COQ7: variants seen among roughly 807,000 people sequenced by gnomAD.
COQ7 encodes the protein NADPH-dependent 3-demethoxyubiquinone 3-hydroxylase, mitochondrial.
In COQ7, 21 loss-of-function variants were observed where a neutral mutation model predicts 25.0. The observed-to-expected ratio is 0.84, with a 90% CI of 0.60 to 1.21. COQ7 has a LOEUF of 1.21. Ranked by LOEUF, COQ7 falls within the 50% of genes most tolerant of loss-of-function variation. The probability of loss-of-function intolerance (pLI) is 0.00; values close to 1 mark genes in which losing one functional copy is unlikely to be tolerated. For synonymous variants in COQ7, 125 were observed against 112.4 expected (o/e 1.11, Z -0.71); for missense variants, 311 against 296.2 (o/e 1.05, Z -0.37).
At chr16:19,070,250 C>T (rs1409113493) in intron 1 of COQ7, among the ~76,000 whole-genome samples, 1 of 152,188 alleles carries the variant, frequency 6.6e-6, no homozygotes, top group Admixed American at 6.5e-5. Flanking sequence ...AGAGCCACCC[C>T]AAATTTCACC....
Position 19,074,005 on chromosome 16 carries a change from C to G in COQ7, c.337C>G (p.Pro113Ala). The change falls in exon 3 of 6, where the codon CCC (proline) becomes GCC (alanine). Residue 113 changes from proline to alanine, a missense_variant. Coordinates refer to ENST00000321998, the MANE Select transcript of COQ7 (RefSeq NM_016138.5). Reference sequence around the variant, plus strand: ...CAGGGTCCGGCCAACAGTTCTGATGCCCTTGTGGAACGTGCTGGGGTTTGC... The same window carrying G: ...CAGGGTCCGGCCAACAGTTCTGATGGCCTTGTGGAACGTGCTGGGGTTTGC... Reference protein sequence around the residue: ...TFRVRPTVLMPLWNVLGFALG... With the variant: ...TFRVRPTVLMALWNVLGFALG... 2.5e-6 allele frequency: 4 copies of G among 1,613,284 alleles called. No homozygotes were observed. The highest frequency in any genetic ancestry group is 3.4e-6 in the Non-Finnish European group (4 of 1,179,818).
At chr16:19,077,264 GTTGGAAGGCTAACTTGC>G in intron 4 of COQ7, 25 bp from the exon 5 acceptor site, 1 of 1,564,662 alleles carries the variant, frequency 6.4e-7, no homozygotes, top group Non-Finnish European at 8.8e-7. Context: ...CAGCAGGAGA[GTTGGAAGGCTAACTTGC>G]TTTGGTGTCT....
chr16:19,075,308 T>A (rs1280519386), intron 3 of COQ7, among the ~76,000 whole-genome samples: 5 of 151,804 alleles, frequency 3.3e-5, no homozygotes. Context: ...CTTCAAGCGA[T>A]TTTCCTGCCT....
At chr16:19,072,718 G>C (rs1014616145) in intron 2 of COQ7, among the ~76,000 whole-genome samples, 1 of 152,238 alleles carries the variant, frequency 6.6e-6, no homozygotes, top group African/African-American at 2.4e-5. Context: ...CTGTGCTTCA[G>C]TTTGTTGTGT....
At chr16:19,070,485 C>A (rs1174676291) in intron 1 of COQ7, among the ~76,000 whole-genome samples, 1 of 152,168 alleles carries the variant, frequency 6.6e-6, no homozygotes, top group Admixed American at 6.5e-5. Flanking sequence ...GTAATCCCAG[C>A]ACTTTGGGAA....
intron 4 of COQ7, among the ~76,000 whole-genome samples, chr16:19,076,254 ATTTTTTT>A (rs765074767): frequency 2.5e-5 from 3 of 120,752 alleles, no homozygotes; most frequent in East Asian, 4.5e-4. Context: ...CTCACAGCTA[ATTTTTTT>A]TTTTTTTTTT....
chr16:19,079,627 C>T lies in COQ7; in HGVS notation c.*1469C>T, dbSNP rs1007463140. 2.2e-4 allele frequency: 34 copies of T among 151,900 alleles called. No homozygotes were observed. The highest frequency in any genetic ancestry group is 7.3e-4 in the African/African-American group (30 of 41,330). The allele number at this position is 151,900 out of a possible 1,614,324, so 9.4% of individuals were successfully genotyped here. A position where few individuals can be genotyped will look rare whatever the true frequency, so the allele number is the denominator to read the frequency against. ...AGGATCAGAATGGTTTCAGAAGCTCCCAGGTGATTCCGGAGTGAGTTGGAG... is the reference window on the plus strand; with the variant it reads ...AGGATCAGAATGGTTTCAGAAGCTCTCAGGTGATTCCGGAGTGAGTTGGAG... On this transcript the variant is annotated 3_prime_UTR_variant, in exon 6 of 6. Coordinates refer to ENST00000321998, the MANE Select transcript of COQ7 (RefSeq NM_016138.5).
At chr16:19,068,190 C>T (rs910632062) in intron 1 of COQ7, 45 of 1,028,186 alleles carry the variant, frequency 4.4e-5, no homozygotes, top group Non-Finnish European at 5.3e-5. Flanking sequence ...CCACCCCGAC[C>T]TACTTGGTCG....
At chr16:19,076,006 C>G (rs1962819235) in intron 4 of COQ7, 146 bp downstream of exon 4, 2 of 1,075,106 alleles carry the variant, frequency 1.9e-6, no homozygotes, top group Non-Finnish European at 2.7e-6. Context: ...GGTGAGCAAA[C>G]TGAGGAACAG....
At chr16:19,067,795 G>T (rs571633829) in intron 1 of COQ7, 58 bp downstream of exon 1, 13 of 1,574,782 alleles carry the variant, frequency 8.3e-6, no homozygotes, top group Non-Finnish European at 1.0e-5. Context: ...GGGAATTTTC[G>T]CTTGAGGTTT....
Position 19,076,478 on chromosome 16 carries a change from A to C in COQ7, c.507+618A>C, listed in dbSNP as rs186990545. On this transcript the variant is annotated intron_variant, in intron 4 of 5. Coordinates refer to ENST00000321998, the MANE Select transcript of COQ7 (RefSeq NM_016138.5). ...TTTTTTGTAGGCACAGTCTCTCTCT[A>C]TGTTGTCCAGATTGGTCTTGAGCTC... Among the ~76,000 whole-genome samples the C allele has an allele frequency of 1.3e-4, 19 of 148,464 alleles. No homozygotes were observed. In the East Asian group the frequency reaches 3.4e-3, roughly 27 times the overall value.
intron 1 of COQ7, chr16:19,067,941 G>T (rs1596815814): frequency 2.8e-6 from 4 of 1,451,174 alleles, no homozygotes; most frequent in Non-Finnish European, 3.6e-6. Context: ...CAGGAGGACA[G>T]GGGTTGTTTC....
Position 19,077,345 on chromosome 16 carries a change from G to T in COQ7, c.547G>T (p.Asp183Tyr). 1 of 1,614,092 alleles carries T rather than the reference G, an allele frequency of 6.2e-7. No homozygotes were observed. Among genetic ancestry groups the T allele is most frequent in the Non-Finnish European group, 8.5e-7 (1 of 1,180,016 alleles). ...KFRDEELEHHDIGLDHDAELA... is the reference protein window; with the variant it reads ...KFRDEELEHHYIGLDHDAELA... ...TCGGGATGAAGAGCTTGAGCACCAT[G>T]ACATAGGCCTCGACCATGATGCAGA... The change falls in exon 5 of 6, where the codon GAC (aspartate) becomes TAC (tyrosine). Residue 183 changes from aspartate (D) to tyrosine (Y), a missense_variant. By Grantham distance (160) the Asp-to-Tyr change is radical. Transcript: ENST00000321998.
At chr16:19,068,203 A>G (rs1248403191) in intron 1 of COQ7, 3 of 1,023,820 alleles carry the variant, frequency 2.9e-6, no homozygotes, top group Non-Finnish European at 2.3e-6. Context: ...CTTGGTCGGT[A>G]TCTGTGATCT....
At chr16:19,075,972 C>T in intron 4 of COQ7, 112 bp downstream of exon 4, 1 of 1,408,150 alleles carries the variant, frequency 7.1e-7, no homozygotes, top group South Asian at 1.3e-5. Flanking sequence ...GGTTTAGAGG[C>T]TCAGGTCAGT....
chr16:19,075,329 A>G (rs901292555), intron 3 of COQ7, among the ~76,000 whole-genome samples: 3 of 151,420 alleles, frequency 2.0e-5, no homozygotes, highest in Non-Finnish European at 2.9e-5. Flanking sequence ...CAGCCTCCCA[A>G]GTAGCTGGGA....
chr16:19,082,819 T>G (rs542545538), downstream of COQ7, among the ~76,000 whole-genome samples: 299 of 20,976 alleles, frequency 0.014, 3 homozygotes, highest in East Asian at 0.23. Flanking sequence ...TACCACAATT[T>G]TAAAACATGC....
chr16:19,077,604 T>TTTTTTTTTTTTTTTTTTTTTTTTTTC (rs1555522742), intron 5 of COQ7, among the ~76,000 whole-genome samples: 3 of 143,720 alleles, frequency 2.1e-5, no homozygotes, highest in East Asian at 2.1e-4. Context: ...TTTTTTTTTT[T>TTTTTTTTTTTTTTTTTTTTTTTTTTC]CCCAGACACA....
rs773167053 is a variant in COQ7, at chr16:19,075,720, G to T, written c.368-1G>T. The T allele has an allele frequency of 1.9e-6, 3 of 1,565,128 alleles. No individual in the cohort carries two copies. In the South Asian group the frequency reaches 3.6e-5, roughly 19 times the overall value. On this transcript the variant is annotated splice_acceptor_variant, in intron 3 of 5. Coordinates refer to ENST00000321998, the MANE Select transcript of COQ7 (RefSeq NM_016138.5). LOFTEE classifies it high-confidence loss of function. The stretch of plus-strand genomic sequence containing the variant: ...TTCTGGTCTGGGTTTAACAATCCCA[G>T]GGGCGGGGACCGCCTTGCTCGGGAA...
Sources: gnomAD v4.1 joint callset for allele counts (sites outside exome capture counted in the v4.1 genomes callset) on GRCh38, gnomAD v4.1.1 for gene constraint, MANE v1.5 for transcripts, NCBI Gene and HGNC (gene_info 2026-07-23, HGNC 2026-07-21) for gene names.